The following DENND1A variants were observed in gnomAD, a reference collection of about 807,000 sequenced individuals.
The protein encoded by DENND1A is DENN domain containing 1A.
DENND1A carries 51 observed loss-of-function variants against 113.7 expected under a neutral mutation model. The observed-to-expected ratio is 0.45, with a 90% CI of 0.36 to 0.57. The LOEUF is 0.57. DENND1A is among the 20% of genes least tolerant of loss of function. DENND1A has a pLI of 0.00. For synonymous variants in DENND1A, 565 were observed against 570.8 expected (o/e 0.99, Z 0.14); for missense variants, 1,258 against 1,395.9 (o/e 0.90, Z 1.57).
Position 123,414,387 on chromosome 9 carries a change from G to C in DENND1A, c.1489-2558C>G. 9 of 1,429,822 alleles carry C rather than the reference G, an allele frequency of 6.3e-6. No individual in the cohort carries two copies. In the South Asian group the frequency reaches 1.4e-4, roughly 22 times the overall value. The allele number at this position is 1,429,822 out of a possible 1,614,324, so 88.6% of individuals were successfully genotyped here. Reference sequence around the variant, plus strand: ...TCCATCGCCTACATTTGTTTCCAGAGAGGACTTAAAAAAATGTCCACCCAG... The same window carrying C: ...TCCATCGCCTACATTTGTTTCCAGACAGGACTTAAAAAAATGTCCACCCAG... On this transcript the variant is annotated intron_variant, in intron 19 of 23. Transcript: ENST00000394215.
intron 5 of DENND1A, among the ~76,000 whole-genome samples, chr9:123,694,445 G>A (rs2065379644): frequency 6.6e-6 from 1 of 152,166 alleles, no homozygotes; most frequent in African/African-American, 2.4e-5. Flanking sequence ...GCAAAAGAAA[G>A]ATGAGCTGAG....
intron 21 of DENND1A, among the ~76,000 whole-genome samples, chr9:123,394,428 C>T (rs553962548): frequency 2.0e-4 from 31 of 152,058 alleles, no homozygotes; most frequent in Admixed American, 1.1e-3. Context: ...CTGGAGCCAG[C>T]GCAAGGATGA....
intron 5 of DENND1A, among the ~76,000 whole-genome samples, chr9:123,680,892 C>T (rs1389838168): frequency 1.3e-5 from 2 of 152,106 alleles, no homozygotes; most frequent in South Asian, 2.1e-4. Context: ...CTGACCAAGT[C>T]GAGGAAGGCA....
At chr9:123,543,707 C>T (rs146826385) in intron 13 of DENND1A, among the ~76,000 whole-genome samples, 1 of 152,330 alleles carries the variant, frequency 6.6e-6, no homozygotes, top group African/African-American at 2.4e-5. Context: ...CCTATTCCTC[C>T]GGTAAGGCCT....
intron 2 of DENND1A, among the ~76,000 whole-genome samples, chr9:123,856,075 G>A (rs1038952111): frequency 2.0e-5 from 3 of 152,106 alleles, no homozygotes; most frequent in Non-Finnish European, 2.9e-5. Flanking sequence ...AGTAATCCAA[G>A]AAAGAATAAG....
At chr9:123,896,184 C>T (rs918100554) in intron 1 of DENND1A, among the ~76,000 whole-genome samples, 6 of 151,968 alleles carry the variant, frequency 3.9e-5, no homozygotes, top group Non-Finnish European at 8.8e-5. Flanking sequence ...TGGTGGTACA[C>T]GCCTGTAGTC....
chr9:123,536,695 A>G lies in DENND1A; in HGVS notation c.993+20875T>C, dbSNP rs116426436. On this transcript the variant is annotated intron_variant, in intron 13 of 23. Coordinates refer to ENST00000394215, the MANE Select transcript of DENND1A (RefSeq NM_001352964.2). ...AAATGCATGAGGACCTCCTTCCAGGACAGGGGTCCACAATGGGGAGAAACT... is the reference window on the plus strand; with the variant it reads ...AAATGCATGAGGACCTCCTTCCAGGGCAGGGGTCCACAATGGGGAGAAACT... Among the ~76,000 whole-genome samples, 293 of 152,228 alleles carry G rather than the reference A, an allele frequency of 1.9e-3. 2 individuals carry two copies. Among genetic ancestry groups the G allele is most frequent in the African/African-American group, 5.9e-3 (245 of 41,544 alleles).
intron 13 of DENND1A, among the ~76,000 whole-genome samples, chr9:123,484,374 C>T (rs1392256831): frequency 1.3e-5 from 2 of 152,152 alleles, no homozygotes; most frequent in East Asian, 1.9e-4. Context: ...GAGTAAGCCG[C>T]CCAGAGATTC....
At chr9:123,496,602 T>C (rs983249351) in intron 13 of DENND1A, among the ~76,000 whole-genome samples, 1 of 152,200 alleles carries the variant, frequency 6.6e-6, no homozygotes, top group African/African-American at 2.4e-5. Context: ...AATTAGAACT[T>C]CTGCTGGACT....
At chr9:123,816,989 C>T (rs1285515824) in intron 2 of DENND1A, among the ~76,000 whole-genome samples, 2 of 152,146 alleles carry the variant, frequency 1.3e-5, no homozygotes, top group African/African-American at 4.8e-5. Flanking sequence ...TCTGCAGTCC[C>T]TCCTCAAGGC....
intron 13 of DENND1A, among the ~76,000 whole-genome samples, chr9:123,465,306 TG>T (rs1460411991): frequency 1.0e-3 from 139 of 137,642 alleles, no homozygotes; most frequent in African/African-American, 3.5e-3. Context: ...TTTTTGTCTT[TG>T]ATTTTTTTTT....
chr9:123,659,542 G>A (rs572808615), intron 8 of DENND1A, among the ~76,000 whole-genome samples: 20 of 152,310 alleles, frequency 1.3e-4, no homozygotes, highest in African/African-American at 4.1e-4. Context: ...TAGAATTCTG[G>A]GAGAGCCAAG....
At chr9:123,665,785 A>G (rs530683306) in intron 8 of DENND1A, among the ~76,000 whole-genome samples, 1 of 152,340 alleles carries the variant, frequency 6.6e-6, no homozygotes, top group South Asian at 2.1e-4. Context: ...AAAGGGTAAA[A>G]ACAATATCTA....
chr9:123,909,573 A>G (rs1055648246), intron 1 of DENND1A, among the ~76,000 whole-genome samples: 64 of 152,166 alleles, frequency 4.2e-4, no homozygotes, highest in African/African-American at 1.5e-3. Context: ...AAAAACAGCT[A>G]TCAACATACT....
intron 19 of DENND1A, among the ~76,000 whole-genome samples, chr9:123,432,046 T>C (rs1265814430): frequency 6.6e-6 from 1 of 152,184 alleles, no homozygotes; most frequent in Non-Finnish European, 1.5e-5. Flanking sequence ...TCTTCCATGG[T>C]ACATCAGGAG....
At chr9:123,715,329 G>A (rs968533749) in intron 5 of DENND1A, among the ~76,000 whole-genome samples, 1 of 152,146 alleles carries the variant, frequency 6.6e-6, no homozygotes, top group Non-Finnish European at 1.5e-5. Flanking sequence ...ACTGGCACGA[G>A]GTTCTAAAAT....
At chr9:123,670,797 C>T (rs980883957) in intron 7 of DENND1A, among the ~76,000 whole-genome samples, 1 of 152,108 alleles carries the variant, frequency 6.6e-6, no homozygotes, top group Non-Finnish European at 1.5e-5. Context: ...GCAAAACCTA[C>T]GAGGTATCAA....
At chr9:123,774,454 A>T (rs1405547492) in intron 3 of DENND1A, among the ~76,000 whole-genome samples, 1 of 152,198 alleles carries the variant, frequency 6.6e-6, no homozygotes, top group Admixed American at 6.5e-5. Flanking sequence ...TGTTGATCAG[A>T]AGTTTCCTAA....
chr9:123,423,368 T>G (rs2045464122), intron 19 of DENND1A, among the ~76,000 whole-genome samples: 1 of 152,118 alleles, frequency 6.6e-6, no homozygotes. Context: ...ACCCATTACG[T>G]CCTGCAACTC....
Sources: gnomAD v4.1 joint callset for allele counts (sites outside exome capture counted in the v4.1 genomes callset) on GRCh38, gnomAD v4.1.1 for gene constraint, MANE v1.5 for transcripts, NCBI Gene and HGNC (gene_info 2026-07-23, HGNC 2026-07-21) for gene names.